The following EZH2 variants were observed in gnomAD, a reference collection of about 807,000 sequenced individuals.
EZH2 encodes the protein histone-lysine N-methyltransferase EZH2.
In EZH2, 18 loss-of-function variants were observed where a neutral mutation model predicts 98.4. That is an observed-to-expected ratio of 0.18 (90% CI 0.13 to 0.27). EZH2 has a LOEUF of 0.27. Among genes scored for constraint, EZH2 ranks in the 10% least tolerant of loss-of-function variants. EZH2 has a pLI of 1.00. For missense variants in EZH2, 470 were observed against 935.1 expected (o/e 0.50, Z 6.49); for synonymous variants, 338 against 312.3 (o/e 1.08, Z -0.87).
At chr7:148,827,935 G>A (rs1808200947) in intron 6 of EZH2, among the ~76,000 whole-genome samples, 1 of 152,188 alleles carries the variant, frequency 6.6e-6, no homozygotes, top group Non-Finnish European at 1.5e-5. Flanking sequence ...GGCTAACACG[G>A]TGAAACCCCG....
intron 1 of EZH2, among the ~76,000 whole-genome samples, chr7:148,880,904 G>C (rs1820859201): frequency 6.6e-6 from 1 of 152,192 alleles, no homozygotes; most frequent in African/African-American, 2.4e-5. Context: ...GCATAAACAA[G>C]TGATTACAAT....
chr7:148,871,550 T>A (rs1307573749), intron 1 of EZH2, among the ~76,000 whole-genome samples: 1 of 150,666 alleles, frequency 6.6e-6, no homozygotes, highest in Non-Finnish European at 1.5e-5. Flanking sequence ...TATACACAAG[T>A]TTCACATCCC....
At chr7:148,812,050 C>T (rs527836623) in intron 15 of EZH2, among the ~76,000 whole-genome samples, 4 of 152,302 alleles carry the variant, frequency 2.6e-5, no homozygotes, top group East Asian at 3.9e-4. Flanking sequence ...TTGATTTCCT[C>T]GAGTAATTCA....
chr7:148,881,649 A>G (rs1162518919), intron 1 of EZH2, among the ~76,000 whole-genome samples: 2 of 152,108 alleles, frequency 1.3e-5, no homozygotes, highest in Non-Finnish European at 2.9e-5. Context: ...AGAAATTTTT[A>G]TCCTAGGCTG....
intron 1 of EZH2, 113 bp from the exon 2 acceptor site, chr7:148,847,418 C>T: frequency 7.6e-7 from 1 of 1,312,196 alleles, no homozygotes; most frequent in South Asian, 1.3e-5. Flanking sequence ...ACATATTACA[C>T]TGTTGGCATT....
At chr7:148,872,391 A>G (rs1819549998) in intron 1 of EZH2, among the ~76,000 whole-genome samples, 1 of 152,214 alleles carries the variant, frequency 6.6e-6, no homozygotes, top group Admixed American at 6.5e-5. Context: ...TGCAAGACAA[A>G]AAAGTTCTAG....
intron 5 of EZH2, 45 bp downstream of exon 5, chr7:148,829,683 C>T (rs2129476828): frequency 2.5e-6 from 4 of 1,588,940 alleles, no homozygotes; most frequent in Non-Finnish European, 3.4e-6. Context: ...AAGTGTCTCT[C>T]AATTCTTTAG....
intron 2 of EZH2, 66 bp from the exon 3 acceptor site, chr7:148,846,664 G>A (rs1814135328): frequency 2.1e-6 from 3 of 1,425,106 alleles, no homozygotes; most frequent in African/African-American, 1.4e-5. Flanking sequence ...TATAACACCT[G>A]TAAAGCAGGT....
At chr7:148,883,859 C>T (rs1821400626) in intron 1 of EZH2, among the ~76,000 whole-genome samples, 1 of 151,948 alleles carries the variant, frequency 6.6e-6, no homozygotes, top group African/African-American at 2.4e-5. Context: ...CCCGGCGCCC[C>T]GGCCAGGACA....
chr7:148,857,477 G>C (rs1277693472), intron 1 of EZH2, among the ~76,000 whole-genome samples: 1 of 152,310 alleles, frequency 6.6e-6, no homozygotes, highest in East Asian at 1.9e-4. Flanking sequence ...TAGGCCAGGT[G>C]CAGTGGCTCA....
intron 15 of EZH2, among the ~76,000 whole-genome samples, chr7:148,813,468 G>T (rs953858517): frequency 4.6e-5 from 7 of 151,464 alleles, no homozygotes; most frequent in Non-Finnish European, 8.8e-5. Flanking sequence ...TCCTAGCTGG[G>T]TTTTTTTCAA....
chr7:148,873,491 C>CAAAAAAAAAA (rs1162280467), intron 1 of EZH2, among the ~76,000 whole-genome samples: 36 of 58,380 alleles, frequency 6.2e-4, no homozygotes, highest in East Asian at 1.1e-3. Context: ...GACTCTGTCT[C>CAAAAAAAAAA]AAAAAAAAAA....
chr7:148,809,682 A>G (rs1234837464), intron 17 of EZH2, among the ~76,000 whole-genome samples: 3 of 152,042 alleles, frequency 2.0e-5, no homozygotes, highest in Non-Finnish European at 2.9e-5. Flanking sequence ...AAAAAATCTG[A>G]CAAAATTCTT....
At chr7:148,815,665 C>A in intron 12 of EZH2, 119 bp from the exon 13 acceptor site, 1 of 862,286 alleles carries the variant, frequency 1.2e-6, no homozygotes, top group Non-Finnish European at 1.9e-6. Context: ...AGCCAAGAGT[C>A]ATGCCCTGCC....
chr7:148,859,368 TG>T (rs944881375), intron 1 of EZH2, among the ~76,000 whole-genome samples: 20 of 151,516 alleles, frequency 1.3e-4, no homozygotes, highest in African/African-American at 4.9e-4. Context: ...TAGCCAGGAG[TG>T]GTGGCACACA....
chr7:148,807,731 C>T (rs745348573), intron 19 of EZH2, 25 bp from the exon 20 acceptor site: 39 of 1,550,900 alleles, frequency 2.5e-5, no homozygotes, highest in Middle Eastern at 3.4e-4. Context: ...AGGAGATGTC[C>T]GCTGGATGGC....
At chr7:148,832,390 T>C (rs2129477962) in intron 4 of EZH2, among the ~76,000 whole-genome samples, 1 of 152,340 alleles carries the variant, frequency 6.6e-6, no homozygotes, top group East Asian at 1.9e-4. Context: ...ATCTTTTAAA[T>C]ATTTTTAATC....
At chr7:148,851,244 C>T (rs893377740) in intron 1 of EZH2, among the ~76,000 whole-genome samples, 3 of 152,102 alleles carry the variant, frequency 2.0e-5, no homozygotes, top group Non-Finnish European at 2.9e-5. Flanking sequence ...GGAGATAAAT[C>T]GCAGGGTCAG....
intron 1 of EZH2, among the ~76,000 whole-genome samples, chr7:148,873,643 A>G (rs1819782044): frequency 1.4e-5 from 2 of 147,574 alleles, no homozygotes. Context: ...ATACTTTAAA[A>G]TTTTACAGTA....
Sources: allele counts gnomAD v4.1 joint callset (sites outside exome capture counted in the v4.1 genomes callset), GRCh38; gene constraint gnomAD v4.1.1; transcripts MANE v1.5; gene names NCBI Gene and HGNC (gene_info 2026-07-23, HGNC 2026-07-21).